Variants in ZNF516 observed in about 807,000 individuals in gnomAD.
ZNF516 encodes the protein zinc finger protein 516.
A neutral mutation model predicts 79.7 loss-of-function variants in ZNF516; 19 were observed. That is an observed-to-expected ratio of 0.24 (90% CI 0.17 to 0.35). The LOEUF (loss-of-function observed/expected upper bound fraction) is 0.35, where lower values mean the gene tolerates loss of function less well. Ranked by LOEUF, ZNF516 falls within the 10% of genes least tolerant of loss-of-function variation. The pLI is 1.00. For missense variants in ZNF516, 1,678 were observed against 1,679.5 expected (o/e 1.00, Z 0.02); for synonymous variants, 877 against 739.5 (o/e 1.19, Z -3.02).
At chr18:76,366,036 G>A (rs2074607049) in intron 6 of ZNF516, among the ~76,000 whole-genome samples, 1 of 152,154 alleles carries the variant, frequency 6.6e-6, no homozygotes, top group African/African-American at 2.4e-5. Flanking sequence ...TCAAGTATGT[G>A]TATATAACAT....
chr18:76,380,547 A>G (rs2074874519), intron 3 of ZNF516, among the ~76,000 whole-genome samples: 7 of 152,154 alleles, frequency 4.6e-5, no homozygotes. Flanking sequence ...GAAAAAATAC[A>G]ATAGCAGTGG....
intron 3 of ZNF516, among the ~76,000 whole-genome samples, chr18:76,405,811 C>T (rs690397): frequency 0.57 from 86,406 of 151,660 alleles, 24,760 homozygotes; most frequent in South Asian, 0.68. Flanking sequence ...ACGGCTGCCC[C>T]TCCCCATACT....
chr18:76,435,693 A>G (rs531880384), intron 3 of ZNF516, among the ~76,000 whole-genome samples: 54 of 152,304 alleles, frequency 3.5e-4, no homozygotes, highest in African/African-American at 1.3e-3. Flanking sequence ...CTCCCAACGA[A>G]AGGAACTCCT....
chr18:76,482,174 C>CAA (rs1262381422), intron 1 of ZNF516, among the ~76,000 whole-genome samples: 3 of 152,174 alleles, frequency 2.0e-5, no homozygotes, highest in African/African-American at 7.2e-5. Context: ...ACATCAACGG[C>CAA]CATGTTTTGC....
intron 3 of ZNF516, among the ~76,000 whole-genome samples, chr18:76,392,288 G>T (rs777885669): frequency 2.0e-5 from 3 of 152,204 alleles, no homozygotes; most frequent in Non-Finnish European, 4.4e-5. Context: ...AGACCACAGG[G>T]AGTGTCACTA....
Position 76,459,563 on chromosome 18 carries a change from C to T in ZNF516, c.-158+3465G>A, listed in dbSNP as rs1222777125. 6.6e-6 allele frequency among the ~76,000 whole-genome samples: 1 copy of T among 152,248 alleles called. No individual in the cohort carries two copies. ...TCGCCTCCCTCGGAATGTATTCCAG[C>T]ACTGTCTGCCATGATGCCAACAGCA... is the stretch of plus-strand genomic sequence containing the variant. On this transcript the variant is annotated intron_variant, in intron 2 of 6. Coordinates refer to ENST00000443185, the MANE Select transcript of ZNF516 (RefSeq NM_014643.4). The surrounding 1 kb of genome is among the most constrained non-coding windows in gnomAD (Gnocchi z 5.0).
chr18:76,400,697 A>G (rs1250125182), intron 3 of ZNF516, among the ~76,000 whole-genome samples: 1 of 152,244 alleles, frequency 6.6e-6, no homozygotes, highest in East Asian at 1.9e-4. Flanking sequence ...ATGGTTACAC[A>G]TATATAAACA....
chr18:76,453,382 C>T (rs893396437), intron 2 of ZNF516, among the ~76,000 whole-genome samples: 2 of 152,204 alleles, frequency 1.3e-5, no homozygotes, highest in African/African-American at 4.8e-5. Flanking sequence ...AGGGGCCGCT[C>T]TCCTTCCCAC....
chr18:76,395,919 C>T (rs143897317), intron 3 of ZNF516, among the ~76,000 whole-genome samples: 127 of 152,282 alleles, frequency 8.3e-4, no homozygotes, highest in East Asian at 1.9e-3. Flanking sequence ...CTTCACCGTC[C>T]GGAAGTGCGC....
At position 76,442,506 on chromosome 18, in the gene ZNF516, G is replaced by A. The variant is rs538884240; in HGVS notation, c.549C>T (p.Phe183=). The A allele has an allele frequency of 6.2e-5, 100 of 1,601,774 alleles. No individual in the cohort carries two copies. Among genetic ancestry groups the A allele is most frequent in the Non-Finnish European group, 8.1e-5 (96 of 1,179,622 alleles). Residue 183 remains phenylalanine, a synonymous_variant, in exon 3 of 7, where the codon TTC becomes TTT. Coordinates refer to ENST00000443185, the MANE Select transcript of ZNF516 (RefSeq NM_014643.4). The part of the protein sequence containing the change: ...AVQCSFCKSQ[F]ERKKDLELHV... ...GCAGCTCCAGGTCCTTCTTACGCTC[G>A]AACTGGCTCTTGCAGAAGGAGCACT...
intron 3 of ZNF516, among the ~76,000 whole-genome samples, chr18:76,423,187 A>G (rs776959027): frequency 2.6e-5 from 4 of 152,232 alleles, no homozygotes; most frequent in Non-Finnish European, 5.9e-5. Context: ...GGATGCATAT[A>G]TGTTCCCAAA....
At position 76,380,192 on chromosome 18, in the gene ZNF516, TCGC is replaced by T; in HGVS notation, c.1919_1921del (p.Gly640del). Reference sequence around the variant, plus strand: ...AGAAGCTGCGATCCCTGCCTTGGACTCGCCGGTGTCTCTTTCCGAGGCGTTATC... The same window carrying T: ...AGAAGCTGCGATCCCTGCCTTGGACTCGGTGTCTCTTTCCGAGGCGTTATC... On this transcript the variant is annotated inframe_deletion, in exon 4 of 7. Coordinates refer to ENST00000443185, the MANE Select transcript of ZNF516 (RefSeq NM_014643.4). 6.2e-7 allele frequency: 1 copy of T among 1,614,026 alleles called. No homozygotes were observed. Among genetic ancestry groups the T allele is most frequent in the Non-Finnish European group, 8.5e-7 (1 of 1,179,896 alleles).
At chr18:76,435,099 TCC>T (rs2075712528) in intron 3 of ZNF516, among the ~76,000 whole-genome samples, 1 of 152,170 alleles carries the variant, frequency 6.6e-6, no homozygotes, top group African/African-American at 2.4e-5. Flanking sequence ...CTTAGTTCCC[TCC>T]CACCTCGAAA....
At chr18:76,487,030 A>G (rs1914871904) in intron 1 of ZNF516, among the ~76,000 whole-genome samples, 1 of 152,180 alleles carries the variant, frequency 6.6e-6, no homozygotes, top group African/African-American at 2.4e-5. Context: ...CACTTAACAT[A>G]TATTTACATG....
Position 76,441,698 on chromosome 18 carries a change from T to C in ZNF516, c.1357A>G (p.Arg453Gly), listed in dbSNP as rs767472417. Reference sequence around the variant, plus strand: ...TGGCTCACCAGGACGTACTCGCGCCTGTCCTTGTCGAAGGCCACGTCCCCG... The same window carrying C: ...TGGCTCACCAGGACGTACTCGCGCCCGTCCTTGTCGAAGGCCACGTCCCCG... ...LAGDVAFDKD[R>G]REYVLVSQEK... Residue 453 changes from arginine to glycine, a missense_variant, in exon 3 of 7, where the codon AGG (arginine) becomes GGG (glycine). By Grantham distance (125) the Arg-to-Gly change is moderately radical (BLOSUM62 -2). Coordinates refer to ENST00000443185, the MANE Select transcript of ZNF516 (RefSeq NM_014643.4). The C allele has an allele frequency of 1.7e-5, 27 of 1,569,290 alleles. No individual in the cohort carries two copies. In the South Asian group the frequency reaches 2.9e-4, roughly 17 times the overall value.
chr18:76,432,811 A>T (rs567994410), intron 3 of ZNF516, among the ~76,000 whole-genome samples: 1 of 152,276 alleles, frequency 6.6e-6, no homozygotes, highest in African/African-American at 2.4e-5. Flanking sequence ...TGTTAGCATC[A>T]CTCTCTACTG....
intron 1 of ZNF516, among the ~76,000 whole-genome samples, chr18:76,477,890 C>T (rs1041686973): frequency 6.6e-6 from 1 of 152,104 alleles, no homozygotes; most frequent in African/African-American, 2.4e-5. Context: ...AGTTACTTCA[C>T]TCTTCCTTCT....
chr18:76,487,896 G>A lies in ZNF516; in HGVS notation c.-272+7248C>T, dbSNP rs1284907072. On this transcript the variant is annotated intron_variant, in intron 1 of 6. Coordinates refer to ENST00000443185, the MANE Select transcript of ZNF516 (RefSeq NM_014643.4). ...TACACTTTCGGCCAGTCAGGTGGAA[G>A]GACTGAGGATGAGAGCCCCCAGGAG... is the stretch of plus-strand genomic sequence containing the variant. 3.1e-6 allele frequency: 3 copies of A among 981,930 alleles called. No homozygotes were observed. The East Asian group carries it at 3.4e-4, about 111-fold the overall frequency. The allele number at this position is 981,930 out of a possible 1,614,324, so 60.8% of individuals were successfully genotyped here.
intron 1 of ZNF516, 142 bp downstream of exon 1, chr18:76,495,002 G>A (rs1915423762): frequency 6.8e-6 from 1 of 146,924 alleles, no homozygotes; most frequent in Non-Finnish European, 1.5e-5. Flanking sequence ...CCCCTCCCCG[G>A]CGCACCCCCC....
Sources: gnomAD v4.1 joint callset for allele counts (sites outside exome capture counted in the v4.1 genomes callset) on GRCh38, gnomAD v4.1.1 for gene constraint, Gnocchi (gnomAD v3.1) non-coding constraint, MANE v1.5 for transcripts, NCBI Gene and HGNC (gene_info 2026-07-23, HGNC 2026-07-21) for gene names.